VPS13D: variants seen among roughly 807,000 people sequenced by gnomAD.
The protein encoded by VPS13D is intermembrane lipid transfer protein VPS13D.
VPS13D carries 187 observed loss-of-function variants against 461.9 expected under a neutral mutation model. That is an observed-to-expected ratio of 0.40 (90% confidence interval 0.36 to 0.46). The LOEUF (loss-of-function observed/expected upper bound fraction) is 0.46, where lower values mean the gene tolerates loss of function less well. Ranked by LOEUF, VPS13D falls within the 20% of genes least tolerant of loss-of-function variation. The pLI, the probability that VPS13D is intolerant of heterozygous loss-of-function variation, is 0.60. For synonymous variants in VPS13D, 1,951 were observed against 1,986.3 expected (o/e 0.98, Z 0.47); for missense variants, 4,711 against 5,364.9 (o/e 0.88, Z 3.81).
At chr1:12,459,769 G>T (rs116888076) in intron 66 of VPS13D, among the ~76,000 whole-genome samples, 1 of 151,980 alleles carries the variant, frequency 6.6e-6, no homozygotes, top group Non-Finnish European at 1.5e-5. Flanking sequence ...GAGCCACTGC[G>T]CCCAGCCTCT....
chr1:12,461,656 A>T (rs1645414343), intron 67 of VPS13D, among the ~76,000 whole-genome samples: 1 of 152,208 alleles, frequency 6.6e-6, no homozygotes. Context: ...ATTTGTTAAG[A>T]TAATAAGACT....
chr1:12,331,776 C>CAT (rs1281779646), intron 37 of VPS13D, among the ~76,000 whole-genome samples: 1 of 148,206 alleles, frequency 6.7e-6, no homozygotes, highest in Non-Finnish European at 1.5e-5. Context: ...GAAACTCTTG[C>CAT]ATGTGGGAGC....
intron 36 of VPS13D, among the ~76,000 whole-genome samples, chr1:12,328,600 G>GTGCAATCTCGGCTCAC (rs1643252132): frequency 6.6e-6 from 1 of 152,110 alleles, no homozygotes; most frequent in Non-Finnish European, 1.5e-5. Context: ...GAGTGCAGTG[G>GTGCAATCTCGGCTCAC]TGCAATCTCG....
intron 37 of VPS13D, 88 bp downstream of exon 37, chr1:12,330,006 G>A: frequency 1.2e-6 from 1 of 846,016 alleles, no homozygotes; most frequent in Non-Finnish European, 1.8e-6. Flanking sequence ...TTTACATGAA[G>A]GAAAGGGCAG....
chr1:12,348,479 A>T (rs1264687012), intron 44 of VPS13D, among the ~76,000 whole-genome samples: 4 of 152,252 alleles, frequency 2.6e-5, no homozygotes, highest in Non-Finnish European at 5.9e-5. Context: ...ACCAAATTAC[A>T]GGAAGTTTGG....
intron 1 of VPS13D, among the ~76,000 whole-genome samples, chr1:12,230,450 C>T (rs1380763395): frequency 2.0e-5 from 3 of 152,122 alleles, no homozygotes; most frequent in Non-Finnish European, 4.4e-5. Flanking sequence ...CCCGAGCCCC[C>T]GCTGGACCCC....
Position 12,291,026 on chromosome 1 carries a change from T to A in VPS13D, c.5754T>A (p.Ile1918=). The A allele has an allele frequency of 6.2e-7, 1 of 1,613,876 alleles. No homozygotes were observed. The highest frequency in any genetic ancestry group is 8.5e-7 in the Non-Finnish European group (1 of 1,179,934). ...GAGACCTGGCCTTACAGGGCAGCATTGGGAGTCTGTCTCTAAGTGACCTCA... is the reference window on the plus strand; with the variant it reads ...GAGACCTGGCCTTACAGGGCAGCATAGGGAGTCTGTCTCTAAGTGACCTCA... ...IEGDLALQGS[I]GSLSLSDLTC... Residue 1918 remains isoleucine, a synonymous_variant, in exon 23 of 70, where the codon ATT becomes ATA. Coordinates refer to ENST00000620676, the MANE Select transcript of VPS13D (RefSeq NM_015378.4).
chr1:12,322,622 T>C lies in VPS13D; in HGVS notation c.7791T>C (p.Ala2597=). 1 of 1,614,222 alleles carries C rather than the reference T, an allele frequency of 6.2e-7. No individual in the cohort carries two copies. Among genetic ancestry groups the C allele is most frequent in the Non-Finnish European group, 8.5e-7 (1 of 1,180,030 alleles). ...LAIAKSIPEQ[A]NAAVPDSVAL... is the part of the protein sequence containing the mutation. ...TTGCAAAATCCATCCCAGAGCAAGC[T>C]AATGCTGCAGTGCCAGACTCAGTGG... The change falls in exon 34 of 70, where the codon GCT becomes GCC. Residue 2597 remains alanine, a synonymous_variant. Transcript: ENST00000620676.
Position 12,322,682 on chromosome 1 carries a change from A to G in VPS13D, c.7851A>G (p.Pro2617=). 6.2e-7 allele frequency: 1 copy of G among 1,614,196 alleles called. No individual in the cohort carries two copies. Among genetic ancestry groups the G allele is most frequent in the South Asian group, 1.1e-5 (1 of 91,088 alleles). ...CAGACTCCGTTGGCACTTACCTTCC[A>G]GGTGCATCTCGCGTTGGAGAGGAAA... is the stretch of plus-strand genomic sequence containing the variant. The part of the protein sequence containing the change: ...LESDSVGTYL[P]GASRVGEEIR... Residue 2617 remains proline, a synonymous_variant, in exon 34 of 70, where the codon CCA becomes CCG. Transcript: ENST00000620676.
Position 12,325,262 on chromosome 1 carries a change from CT to C in VPS13D, c.7990+1493del, listed in dbSNP as rs1019199141. 4.5e-4 allele frequency among the ~76,000 whole-genome samples: 67 copies of C among 147,276 alleles called. 3 individuals are homozygous for C. Among genetic ancestry groups the C allele is most frequent in the Admixed American group, 2.2e-3 (32 of 14,704 alleles). ...GTGCACTTTCTCTCTTTCTACTTCT[CT>C]TTTTTTTTTTCTTTGAGACAGAGTC... On this transcript the variant is annotated intron_variant, in intron 35 of 69. Transcript: ENST00000620676.
chr1:12,290,036 A>T (rs1489440520), intron 22 of VPS13D, among the ~76,000 whole-genome samples: 1 of 152,212 alleles, frequency 6.6e-6, no homozygotes, highest in Non-Finnish European at 1.5e-5. Flanking sequence ...TATGATAATA[A>T]ATTTTGTTTT....
intron 67 of VPS13D, among the ~76,000 whole-genome samples, chr1:12,472,093 A>T (rs576961162): frequency 2.0e-4 from 31 of 152,254 alleles, no homozygotes; most frequent in African/African-American, 7.2e-4. Context: ...CTATTTTTCT[A>T]TAGTAGTACT....
chr1:12,489,647 C>T (rs888741083), intron 67 of VPS13D, among the ~76,000 whole-genome samples: 2 of 152,164 alleles, frequency 1.3e-5, no homozygotes, highest in Non-Finnish European at 2.9e-5. Flanking sequence ...TACACCCTAG[C>T]CCATCTTAGA....
At chr1:12,255,207 A>G (rs181824843) in intron 7 of VPS13D, among the ~76,000 whole-genome samples, 7 of 152,348 alleles carry the variant, frequency 4.6e-5, no homozygotes, top group Admixed American at 2.0e-4. Flanking sequence ...CGGCTTCACA[A>G]AGTGCTGGGA....
At position 12,368,555 on chromosome 1, in the gene VPS13D, G is replaced by A; in HGVS notation, c.10536G>A (p.Gln3512=). 6.2e-7 allele frequency: 1 copy of A among 1,613,702 alleles called. No homozygotes were observed. The highest frequency in any genetic ancestry group is 8.5e-7 in the Non-Finnish European group (1 of 1,179,790). Residue 3512 remains glutamine, a synonymous_variant, in exon 53 of 70, where the codon CAG becomes CAA. Coordinates refer to ENST00000620676, the MANE Select transcript of VPS13D (RefSeq NM_015378.4). ...GGATCTCATTTAGTGACACAGATCA[G>A]TTACCTCCTCCTTTCCGAATTGACA... ...TYRISFSDTD[Q]LPPPFRIDNF... is the part of the protein sequence containing the mutation.
At chr1:12,260,378 T>G (rs1188734153) in intron 10 of VPS13D, among the ~76,000 whole-genome samples, 1 of 152,046 alleles carries the variant, frequency 6.6e-6, no homozygotes, top group Admixed American at 6.5e-5. Flanking sequence ...CCCTCTCCAT[T>G]CACCATTCAT....
intron 22 of VPS13D, among the ~76,000 whole-genome samples, chr1:12,289,192 A>G (rs1251905248): frequency 6.6e-6 from 1 of 152,032 alleles, no homozygotes; most frequent in Non-Finnish European, 1.5e-5. Context: ...GTTGAATACA[A>G]GTGATCAACT....
At chr1:12,271,251 T>C in intron 17 of VPS13D, 127 bp downstream of exon 17, 3 of 1,201,420 alleles carry the variant, frequency 2.5e-6, no homozygotes, top group Non-Finnish European at 3.5e-6. Flanking sequence ...ACTGAAAATA[T>C]TAAATCCTTA....
intron 3 of VPS13D, among the ~76,000 whole-genome samples, chr1:12,243,610 T>C (rs1019207104): frequency 2.0e-5 from 3 of 152,150 alleles, no homozygotes; most frequent in Admixed American, 6.5e-5. Context: ...TGGGCAACAC[T>C]GCTTGACTCT....
Sources: gnomAD v4.1 joint callset for allele counts (sites outside exome capture counted in the v4.1 genomes callset) on GRCh38, gnomAD v4.1.1 for gene constraint, MANE v1.5 for transcripts, NCBI Gene and HGNC (gene_info 2026-07-23, HGNC 2026-07-21) for gene names.